The following PARD3 variants were observed in gnomAD, a reference collection of about 807,000 sequenced individuals.
PARD3 encodes the protein par-3 family cell polarity regulator, also known as partitioning defective 3 homolog.
PARD3 carries 75 observed loss-of-function variants against 155.4 expected under a neutral mutation model. The observed-to-expected ratio is 0.48, with a 90% CI of 0.40 to 0.58. PARD3 has a LOEUF of 0.58. Ranked by LOEUF, PARD3 falls within the 20% of genes least tolerant of loss-of-function variation. The pLI is 0.00. For synonymous variants in PARD3, 576 were observed against 610.5 expected, an observed-to-expected ratio of 0.94 and a Z score of 0.83; for missense variants, 1,642 against 1,721.7, an observed-to-expected ratio of 0.95 and a Z score of 0.82.
chr10:34,587,835 G>C (rs1207103144), intron 2 of PARD3, among the ~76,000 whole-genome samples: 2 of 152,156 alleles, frequency 1.3e-5, no homozygotes, highest in East Asian at 1.9e-4. Flanking sequence ...TTGCGGATAA[G>C]TGCCCTGAGA....
At chr10:34,223,307 C>T (rs914748627) in intron 22 of PARD3, among the ~76,000 whole-genome samples, 3 of 152,156 alleles carry the variant, frequency 2.0e-5, no homozygotes, top group Non-Finnish European at 2.9e-5. Flanking sequence ...GGAGAATGAA[C>T]GTTCCAGGTG....
At chr10:34,794,246 T>C (rs1842000386) in intron 1 of PARD3, among the ~76,000 whole-genome samples, 2 of 152,178 alleles carry the variant, frequency 1.3e-5, no homozygotes, top group Admixed American at 6.5e-5. Context: ...CCACTGTATT[T>C]TTCTGCCTCT....
chr10:34,665,767 G>T (rs1208537381), intron 2 of PARD3, among the ~76,000 whole-genome samples: 1 of 151,648 alleles, frequency 6.6e-6, no homozygotes, highest in African/African-American at 2.4e-5. Context: ...GAACCCAGGA[G>T]GCGGAGGTTG....
At chr10:34,703,379 T>C (rs2094313278) in intron 1 of PARD3, among the ~76,000 whole-genome samples, 1 of 151,402 alleles carries the variant, frequency 6.6e-6, no homozygotes, top group Admixed American at 6.6e-5. Flanking sequence ...ACAGACACTC[T>C]GTCCAAAAAA....
At chr10:34,702,448 C>T in intron 1 of PARD3, among the ~76,000 whole-genome samples, 1 of 151,974 alleles carries the variant, frequency 6.6e-6, no homozygotes, top group South Asian at 2.1e-4. Flanking sequence ...TAATTAAAGC[C>T]CCAGCTTCCC....
intron 2 of PARD3, among the ~76,000 whole-genome samples, chr10:34,539,450 C>T (rs1412295884): frequency 3.9e-5 from 6 of 152,170 alleles, no homozygotes; most frequent in Non-Finnish European, 8.8e-5. Flanking sequence ...GGGCAGATCA[C>T]CTAAGGTCAG....
chr10:34,644,841 G>A (rs983627477), intron 2 of PARD3, among the ~76,000 whole-genome samples: 3 of 152,080 alleles, frequency 2.0e-5, no homozygotes, highest in Non-Finnish European at 4.4e-5. Context: ...CTGAATAGAG[G>A]TAAAACTACA....
At chr10:34,384,335 A>AT (rs1842137073) in intron 7 of PARD3, 81 bp from the exon 8 acceptor site, 4 of 1,268,632 alleles carry the variant, frequency 3.2e-6, no homozygotes, top group Non-Finnish European at 4.3e-6. Context: ...TGCTGTTATT[A>AT]TATTTACAAA....
intron 2 of PARD3, among the ~76,000 whole-genome samples, chr10:34,688,646 AG>A (rs1258503481): frequency 6.6e-6 from 1 of 152,160 alleles, no homozygotes; most frequent in Admixed American, 6.5e-5. Context: ...ACCTACTCCA[AG>A]GGGCCAGGGT....
At chr10:34,371,011 C>G (rs748365884) in intron 12 of PARD3, among the ~76,000 whole-genome samples, 1 of 152,126 alleles carries the variant, frequency 6.6e-6, no homozygotes, top group Non-Finnish European at 1.5e-5. Context: ...CACACATGCA[C>G]ATACCTATGC....
intron 2 of PARD3, among the ~76,000 whole-genome samples, chr10:34,691,971 G>A (rs909941842): frequency 9.8e-5 from 15 of 152,290 alleles, no homozygotes; most frequent in Admixed American, 7.2e-4. Context: ...GGTGGCCCAC[G>A]CCTGTAATCC....
intron 20 of PARD3, among the ~76,000 whole-genome samples, chr10:34,307,219 A>C (rs2570331): frequency 6.6e-6 from 1 of 151,730 alleles, no homozygotes; most frequent in African/African-American, 2.4e-5. Flanking sequence ...TTCACTCAAC[A>C]CTGTTTTAGT....
intron 22 of PARD3, among the ~76,000 whole-genome samples, chr10:34,193,857 T>C (rs2133282394): frequency 6.6e-6 from 1 of 152,284 alleles, no homozygotes; most frequent in African/African-American, 2.4e-5. Flanking sequence ...CTGTTGATAC[T>C]TTCCTGGTTT....
intron 7 of PARD3, among the ~76,000 whole-genome samples, chr10:34,395,794 G>A (rs535585349): frequency 3.5e-5 from 1 of 28,356 alleles, no homozygotes; most frequent in Non-Finnish European, 5.3e-5. Context: ...CCGAGATTGC[G>A]CCACTGCAGT....
chr10:34,784,263 TA>T (rs1407362689), intron 1 of PARD3, among the ~76,000 whole-genome samples: 1 of 152,006 alleles, frequency 6.6e-6, no homozygotes, highest in African/African-American at 2.4e-5. Flanking sequence ...TTCCAAGTCA[TA>T]AAATATAAAT....
Position 34,603,907 on chromosome 10 carries a change from A to T in PARD3, c.223-86748T>A, listed in dbSNP as rs142943619. On this transcript the variant is annotated intron_variant, in intron 2 of 24. Transcript: ENST00000374788. ...AGAGAAAACTGTCCGACACGCAGCC[A>T]ATCCCTCCATAACCAGATCCTGGAG... is the stretch of plus-strand genomic sequence containing the variant. Among the ~76,000 whole-genome samples the T allele has an allele frequency of 5.1e-3, 783 of 152,276 alleles. 4 individuals carry two copies. The highest frequency in any genetic ancestry group is 0.018 in the African/African-American group (741 of 41,574).
intron 3 of PARD3, among the ~76,000 whole-genome samples, chr10:34,497,317 G>A (rs1470685379): frequency 6.6e-6 from 1 of 152,088 alleles, no homozygotes; most frequent in Non-Finnish European, 1.5e-5. Flanking sequence ...TATTTATATA[G>A]CGTTTACATT....
chr10:34,771,826 A>T (rs1486117979), intron 1 of PARD3, among the ~76,000 whole-genome samples: 15 of 152,226 alleles, frequency 9.9e-5, no homozygotes, highest in Non-Finnish European at 2.2e-4. Flanking sequence ...GTGAGCTCAG[A>T]TCTTGTATTC....
intron 5 of PARD3, among the ~76,000 whole-genome samples, chr10:34,420,455 A>G (rs1453672771): frequency 6.6e-6 from 1 of 152,190 alleles, no homozygotes; most frequent in African/African-American, 2.4e-5. Context: ...GTATGATCTT[A>G]AAGAGGATGA....
Sources: allele counts gnomAD v4.1 joint callset (sites outside exome capture counted in the v4.1 genomes callset), GRCh38; gene constraint gnomAD v4.1.1; transcripts MANE v1.5; gene names NCBI Gene and HGNC (gene_info 2026-07-23, HGNC 2026-07-21).